RIBC2: variants seen among roughly 807,000 people sequenced by gnomAD.
The protein encoded by RIBC2 is RIB43A domain with coiled-coils 2.
A neutral mutation model predicts 44.3 loss-of-function variants in RIBC2; 40 were observed. That is an observed-to-expected ratio of 0.90 (90% CI 0.70 to 1.18). The LOEUF (loss-of-function observed/expected upper bound fraction) is 1.18, where lower values mean the gene tolerates loss of function less well. Among genes scored for constraint, RIBC2 ranks in the 50% most tolerant of loss-of-function variants. The probability of loss-of-function intolerance (pLI) is 0.00; values close to 1 mark genes in which losing one functional copy is unlikely to be tolerated. For missense variants in RIBC2, 459 were observed against 485.5 expected (o/e 0.95, Z 0.51); for synonymous variants, 171 against 175.0 (o/e 0.98, Z 0.18).
chr22:45,421,615 G>A (rs1358237838), intron 3 of RIBC2, among the ~76,000 whole-genome samples: 2 of 143,078 alleles, frequency 1.4e-5, no homozygotes, highest in Admixed American at 1.4e-4. Context: ...TAATAATAAT[G>A]TTATTATTCT....
In RIBC2 at chr22:45,430,960, G is replaced by A. The variant is rs866738746; in HGVS notation, c.964G>A (p.Ala322Thr). The A allele has an allele frequency of 6.2e-7, 1 of 1,609,632 alleles. No individual in the cohort carries two copies. Among genetic ancestry groups the A allele is most frequent in the African/African-American group, 1.3e-5 (1 of 74,872 alleles). ...LDWDRRRIQGARATLLFERQQ... is the reference protein window; with the variant it reads ...LDWDRRRIQGTRATLLFERQQ... ...CTGGGACCGGCGGAGGATTCAGGGG[G>A]CTCGCGCCACCCTGCTGTTTGAGCG... Residue 322 changes from alanine to threonine, a missense_variant, in exon 6 of 7, where the codon GCT becomes ACT. Coordinates refer to ENST00000614167, the MANE Select transcript of RIBC2 (RefSeq NM_015653.5).
chr22:45,418,500 C>G (rs1193744480), intron 3 of RIBC2, among the ~76,000 whole-genome samples: 1 of 152,188 alleles, frequency 6.6e-6, no homozygotes, highest in East Asian at 1.9e-4. Flanking sequence ...TCACTGAGGT[C>G]AGCAGCATTC....
At chr22:45,415,079 T>C (rs2052435854) in intron 2 of RIBC2, among the ~76,000 whole-genome samples, 1 of 152,042 alleles carries the variant, frequency 6.6e-6, no homozygotes, top group South Asian at 2.1e-4. Flanking sequence ...TGTCCAACAA[T>C]TTCAACAATT....
Position 45,426,844 on chromosome 22 carries a change from G to C in RIBC2, c.903+669G>C, listed in dbSNP as rs562429016. On this transcript the variant is annotated intron_variant, in intron 5 of 6. Coordinates refer to ENST00000614167, the MANE Select transcript of RIBC2 (RefSeq NM_015653.5). ...TGGCTGGGACCACGGGGCAGGCAGT[G>C]GGGGTGCTGAGCAATGGTCAGATTC... is the stretch of plus-strand genomic sequence containing the variant. Among the ~76,000 whole-genome samples the C allele has an allele frequency of 1.9e-3, 293 of 152,272 alleles. 1 individual carries two copies. The highest frequency in any genetic ancestry group is 6.8e-3 in the African/African-American group (282 of 41,534).
intron 2 of RIBC2, among the ~76,000 whole-genome samples, chr22:45,415,044 A>G (rs1178045962): frequency 6.6e-6 from 1 of 152,166 alleles, no homozygotes; most frequent in Non-Finnish European, 1.5e-5. Flanking sequence ...ATTCCACTTC[A>G]AATACAACTT....
intron 3 of RIBC2, among the ~76,000 whole-genome samples, chr22:45,418,580 A>G (rs2087448684): frequency 6.6e-6 from 1 of 152,152 alleles, no homozygotes; most frequent in African/African-American, 2.4e-5. Flanking sequence ...CTGTGCCGGA[A>G]AGACCGGGTA....
chr22:45,415,825 G>C (rs1005147639), intron 2 of RIBC2, among the ~76,000 whole-genome samples: 1 of 152,018 alleles, frequency 6.6e-6, no homozygotes, highest in Non-Finnish European at 1.5e-5. Flanking sequence ...TCAGCTTCCC[G>C]AGTAGCTGGG....
chr22:45,415,063 CT>C (rs1181657280), intron 2 of RIBC2, among the ~76,000 whole-genome samples: 2 of 151,994 alleles, frequency 1.3e-5, no homozygotes, highest in Admixed American at 6.6e-5. Flanking sequence ...TTATTTTCCC[CT>C]ATCGTGTCCA....
chr22:45,430,073 C>T (rs2087565395), intron 5 of RIBC2, among the ~76,000 whole-genome samples: 1 of 152,192 alleles, frequency 6.6e-6, no homozygotes, highest in Admixed American at 6.5e-5. Context: ...CCTGGCTTTA[C>T]AGCGGGGGAC....
intron 5 of RIBC2, among the ~76,000 whole-genome samples, chr22:45,426,959 C>A (rs958224247): frequency 6.6e-6 from 1 of 151,944 alleles, no homozygotes; most frequent in Non-Finnish European, 1.5e-5. Context: ...GACTCTAGGT[C>A]CTGTGGCCTG....
rs185482165 is a variant in RIBC2 at position 45,417,852 on chromosome 22, T to C, written c.462T>C (p.His154=). ...TCATGGGAGAGGATTTAAACTTCCA[T>C]GAGAGGAAGAAATTCCAAGAGGAAC... The part of the protein sequence containing the change: ...QKFMGEDLNF[H]ERKKFQEEQN... The change falls in exon 3 of 7, where the codon CAT becomes CAC. Residue 154 remains histidine, a synonymous_variant. Transcript: ENST00000614167. 1 of 1,614,022 alleles carries C rather than the reference T, an allele frequency of 6.2e-7. No individual in the cohort carries two copies. The highest frequency in any genetic ancestry group is 2.2e-5 in the East Asian group (1 of 44,880).
At chr22:45,416,000 C>A (rs894104463) in intron 2 of RIBC2, among the ~76,000 whole-genome samples, 1 of 152,042 alleles carries the variant, frequency 6.6e-6, no homozygotes, top group African/African-American at 2.4e-5. Flanking sequence ...AGGCCCAGCC[C>A]CCACGCACTA....
At chr22:45,430,841 C>A in intron 5 of RIBC2, 59 bp from the exon 6 acceptor site, 1 of 1,474,386 alleles carries the variant, frequency 6.8e-7, no homozygotes, top group South Asian at 1.4e-5. Context: ...CCTAGATAAT[C>A]CCCTGGGGTT....
chr22:45,416,881 A>G (rs191303994), intron 2 of RIBC2, among the ~76,000 whole-genome samples: 144 of 146,814 alleles, frequency 9.8e-4, no homozygotes, highest in African/African-American at 3.5e-3. Flanking sequence ...TCCTTTCATA[A>G]TTGTATTGAT....
chr22:45,417,658 A>G lies in RIBC2; in HGVS notation c.268A>G (p.Arg90Gly). 6.2e-7 allele frequency: 1 copy of G among 1,614,140 alleles called. No homozygotes were observed. The highest frequency in any genetic ancestry group is 1.1e-5 in the South Asian group (1 of 91,082). The change falls in exon 3 of 7, where the codon AGG becomes GGG. Residue 90 changes from arginine (R) to glycine (G), a missense_variant. Arg to Gly is a moderately radical substitution (Grantham distance 125). Coordinates refer to ENST00000614167, the MANE Select transcript of RIBC2 (RefSeq NM_015653.5). ...IMCILENRKK[R>G]DRKNLCRAIN... The stretch of plus-strand genomic sequence containing the variant: ...GTGCATATTGGAAAACCGGAAAAAG[A>G]GGGATAGGAAAAATCTCTGTAGGGC...
At position 45,427,931 on chromosome 22, in the gene RIBC2, G is replaced by A. The variant is rs140038843; in HGVS notation, c.903+1756G>A. ...ATTACAGGCGTGAGCCACCATGCCC[G>A]GCCCTACAGAGAGTATTTAAAGCTG... On this transcript the variant is annotated intron_variant, in intron 5 of 6. Coordinates refer to ENST00000614167, the MANE Select transcript of RIBC2 (RefSeq NM_015653.5). Among the ~76,000 whole-genome samples, 18 of 152,302 alleles carry A rather than the reference G, an allele frequency of 1.2e-4. No homozygotes were observed. In the East Asian group the frequency reaches 2.7e-3, roughly 23 times the overall value.
intron 3 of RIBC2, among the ~76,000 whole-genome samples, chr22:45,419,562 C>T (rs2087458225): frequency 2.0e-5 from 3 of 151,960 alleles, no homozygotes; most frequent in Admixed American, 6.6e-5. Flanking sequence ...AGTGAGACCT[C>T]ATCTCTACAA....
intron 2 of RIBC2, among the ~76,000 whole-genome samples, chr22:45,415,754 C>G (rs375188054): frequency 6.6e-6 from 1 of 152,218 alleles, no homozygotes; most frequent in East Asian, 1.9e-4. Context: ...GGCTGGAGAG[C>G]TGTGGCGCGA....
intron 2 of RIBC2, among the ~76,000 whole-genome samples, chr22:45,417,092 G>T (rs1197081878): frequency 6.6e-6 from 1 of 151,490 alleles, no homozygotes; most frequent in Admixed American, 6.6e-5. Context: ...GTAGAGACAG[G>T]GTTTCACCAT....
Sources: gnomAD v4.1 joint callset for allele counts (sites outside exome capture counted in the v4.1 genomes callset) on GRCh38, gnomAD v4.1.1 for gene constraint, MANE v1.5 for transcripts, NCBI Gene and HGNC (gene_info 2026-07-23, HGNC 2026-07-21) for gene names.